Variants in EXOC6B observed in about 807,000 individuals in gnomAD.
EXOC6B encodes the protein exocyst complex component 6B, also known as SEC15 homolog B.
A neutral mutation model predicts 113.5 loss-of-function variants in EXOC6B; 54 were observed. That is an observed-to-expected ratio of 0.48 (90% CI 0.38 to 0.60). The LOEUF (loss-of-function observed/expected upper bound fraction) is 0.60. Ranked by LOEUF, EXOC6B falls within the 20% of genes least tolerant of loss-of-function variation. EXOC6B has a pLI of 0.00. For missense variants in EXOC6B, 797 were observed against 977.5 expected, an observed-to-expected ratio of 0.82 and a Z score of 2.46; for synonymous variants, 357 against 339.0, an observed-to-expected ratio of 1.05 and a Z score of -0.58.
chr2:72,264,437 G>A (rs1683925641), intron 20 of EXOC6B, among the ~76,000 whole-genome samples: 1 of 152,154 alleles, frequency 6.6e-6, no homozygotes, highest in African/African-American at 2.4e-5. Context: ...CAGGCGTGAT[G>A]GCAGGTGCCT....
intron 1 of EXOC6B, among the ~76,000 whole-genome samples, chr2:72,777,499 T>G (rs1683776913): frequency 6.6e-6 from 1 of 151,966 alleles, no homozygotes; most frequent in Admixed American, 6.5e-5. Context: ...AAAAAGAAAT[T>G]AAGATATCCC....
chr2:72,704,543 G>A (rs1335678534), intron 6 of EXOC6B, among the ~76,000 whole-genome samples: 5 of 151,650 alleles, frequency 3.3e-5, no homozygotes, highest in African/African-American at 1.2e-4. Context: ...CCAGGAGCTG[G>A]TTTTTTGAAA....
intron 19 of EXOC6B, among the ~76,000 whole-genome samples, chr2:72,342,518 A>C (rs1344757734): frequency 6.6e-6 from 1 of 152,218 alleles, no homozygotes; most frequent in Non-Finnish European, 1.5e-5. Flanking sequence ...GATGGCTATC[A>C]TCAAAAATAC....
chr2:72,676,117 A>G (rs909684672), intron 6 of EXOC6B, among the ~76,000 whole-genome samples: 5 of 150,156 alleles, frequency 3.3e-5, no homozygotes, highest in Non-Finnish European at 5.9e-5. Flanking sequence ...TGTACAATTC[A>G]TTCTAGTTTA....
chr2:72,735,659 T>C (rs1232893889), intron 2 of EXOC6B, among the ~76,000 whole-genome samples: 1 of 149,568 alleles, frequency 6.7e-6, no homozygotes, highest in East Asian at 2.0e-4. Flanking sequence ...CTACTAAAAA[T>C]ACAAAAATTA....
At chr2:72,501,994 C>G (rs558323102) in intron 11 of EXOC6B, among the ~76,000 whole-genome samples, 1 of 151,896 alleles carries the variant, frequency 6.6e-6, no homozygotes, top group Admixed American at 6.5e-5. Context: ...AACTACTGGG[C>G]TCAAGCAATC....
At chr2:72,492,290 C>G in intron 16 of EXOC6B, 28 bp downstream of exon 16, 2 of 1,415,788 alleles carry the variant, frequency 1.4e-6, no homozygotes, top group Non-Finnish European at 2.0e-6. Context: ...CATACTGGCT[C>G]GGCTGCCTTC....
In EXOC6B at chr2:72,823,467, AAAAAAAAAAAAC is replaced by A. The variant is rs1263049213; in HGVS notation, c.113+2319_113+2330del. ...TCAAATCAAAGTTTTAAGAAAAAAA[AAAAAAAAAAAAC>A]AAAAAACAAAAAAAAAGACAGTGGC... On this transcript the variant is annotated intron_variant, in intron 1 of 21. Coordinates refer to ENST00000272427, the MANE Select transcript of EXOC6B (RefSeq NM_015189.3). Among the ~76,000 whole-genome samples, 8 of 136,148 alleles carry A rather than the reference AAAAAAAAAAAAC, an allele frequency of 5.9e-5. No homozygotes were observed. The East Asian group carries it at 6.0e-4, about 10-fold the overall frequency. The allele number at this position is 136,148 out of a possible 152,430, so 89.3% of individuals were successfully genotyped here.
intron 2 of EXOC6B, among the ~76,000 whole-genome samples, chr2:72,734,086 G>A (rs1332953306): frequency 6.6e-6 from 1 of 152,130 alleles, no homozygotes; most frequent in Non-Finnish European, 1.5e-5. Context: ...TATCATATAG[G>A]ATGTTTTCCA....
chr2:72,279,272 A>G (rs1202402410), intron 20 of EXOC6B, among the ~76,000 whole-genome samples: 1 of 152,200 alleles, frequency 6.6e-6, no homozygotes, highest in African/African-American at 2.4e-5. Context: ...ACAGTACTAT[A>G]TTCCAGTGCT....
At chr2:72,468,467 G>GT (rs1698195948) in intron 17 of EXOC6B, among the ~76,000 whole-genome samples, 1 of 152,112 alleles carries the variant, frequency 6.6e-6, no homozygotes, top group South Asian at 2.1e-4. Context: ...CTGTACATGA[G>GT]TAGGATTATG....
chr2:72,462,095 C>T (rs939603728), intron 18 of EXOC6B: 6 of 152,042 alleles, frequency 3.9e-5, no homozygotes, highest in Non-Finnish European at 2.9e-5. Flanking sequence ...ATGAAATACT[C>T]CCATCCTGGA....
In EXOC6B at chr2:72,227,069, A is replaced by G. The variant is rs187787746; in HGVS notation, c.2197-42882T>C. ...AAAACCAAAATATAAAAAATAAAAGATAACAAAACAAGAGAAGCAAATAAA... is the reference window on the plus strand; with the variant it reads ...AAAACCAAAATATAAAAAATAAAAGGTAACAAAACAAGAGAAGCAAATAAA... On this transcript the variant is annotated intron_variant, in intron 20 of 21. Coordinates refer to ENST00000272427, the MANE Select transcript of EXOC6B (RefSeq NM_015189.3). 3.2e-3 allele frequency among the ~76,000 whole-genome samples: 495 copies of G among 152,326 alleles called. 3 individuals carry two copies. Among genetic ancestry groups the G allele is most frequent in the African/African-American group, 0.011 (470 of 41,580 alleles).
At chr2:72,486,344 G>A (rs1018992682) in intron 16 of EXOC6B, among the ~76,000 whole-genome samples, 3 of 151,002 alleles carry the variant, frequency 2.0e-5, no homozygotes, top group African/African-American at 7.3e-5. Flanking sequence ...ACTCCAGCCT[G>A]AGAGACAGAA....
intron 18 of EXOC6B, among the ~76,000 whole-genome samples, chr2:72,395,614 T>C (rs759107375): frequency 6.6e-6 from 1 of 152,114 alleles, no homozygotes; most frequent in East Asian, 1.9e-4. Flanking sequence ...AACACATCCA[T>C]ATTATGGGAA....
intron 6 of EXOC6B, among the ~76,000 whole-genome samples, chr2:72,622,116 T>C (rs1671784669): frequency 6.6e-6 from 1 of 151,720 alleles, no homozygotes; most frequent in Non-Finnish European, 1.5e-5. Flanking sequence ...ATCATTACAA[T>C]GACTACCTGT....
intron 19 of EXOC6B, among the ~76,000 whole-genome samples, chr2:72,341,764 C>T (rs1362417828): frequency 6.6e-6 from 1 of 152,042 alleles, no homozygotes; most frequent in African/African-American, 2.4e-5. Context: ...TATATAAGAA[C>T]ATTCCACCCA....
intron 6 of EXOC6B, among the ~76,000 whole-genome samples, chr2:72,607,578 A>G (rs1184920161): frequency 1.3e-5 from 2 of 152,138 alleles, no homozygotes; most frequent in Non-Finnish European, 2.9e-5. Flanking sequence ...CTTTAGGTGA[A>G]TATTTTATAT....
chr2:72,418,620 A>AT (rs1694678066), intron 18 of EXOC6B, among the ~76,000 whole-genome samples: 1 of 152,098 alleles, frequency 6.6e-6, no homozygotes, highest in African/African-American at 2.4e-5. Context: ...TAATATTAGC[A>AT]TAGTTGTCTC....
Sources: gnomAD v4.1 joint callset for allele counts (sites outside exome capture counted in the v4.1 genomes callset) on GRCh38, gnomAD v4.1.1 for gene constraint, MANE v1.5 for transcripts, NCBI Gene and HGNC (gene_info 2026-07-23, HGNC 2026-07-21) for gene names.